CAMK1D: variants seen among roughly 807,000 people sequenced by gnomAD.
CAMK1D encodes calcium/calmodulin dependent protein kinase ID.
CAMK1D carries 9 observed loss-of-function variants against 47.7 expected under a neutral mutation model. The observed-to-expected ratio is 0.19, with a 90% CI of 0.11 to 0.33. The LOEUF is 0.33. CAMK1D is among the 10% of genes least tolerant of loss of function. CAMK1D has a pLI of 1.00. For missense variants in CAMK1D, 291 were observed against 488.7 expected (o/e 0.60, Z 3.81); for synonymous variants, 184 against 184.9 (o/e 0.99, Z 0.04).
intron 5 of CAMK1D, among the ~76,000 whole-genome samples, chr10:12,788,767 G>A (rs1443569240): frequency 2.0e-5 from 3 of 152,224 alleles, no homozygotes; most frequent in Non-Finnish European, 4.4e-5. Flanking sequence ...CGGGGCGGAC[G>A]AGTCAGCTAT....
intron 8 of CAMK1D, among the ~76,000 whole-genome samples, chr10:12,820,985 C>T (rs1191934393): frequency 6.6e-6 from 1 of 152,222 alleles, no homozygotes; most frequent in African/African-American, 2.4e-5. Flanking sequence ...GATAAGCAAA[C>T]TGAAGTGATA....
At chr10:12,354,207 A>G (rs1837432151) in intron 1 of CAMK1D, among the ~76,000 whole-genome samples, 1 of 152,070 alleles carries the variant, frequency 6.6e-6, no homozygotes, top group Non-Finnish European at 1.5e-5. Flanking sequence ...TAGACTGAGC[A>G]TTTGAAGTTG....
chr10:12,432,530 A>T (rs1490605321), intron 1 of CAMK1D, among the ~76,000 whole-genome samples: 1 of 152,252 alleles, frequency 6.6e-6, no homozygotes, highest in Non-Finnish European at 1.5e-5. Context: ...CAAGTGAACA[A>T]ATGAATGAGT....
At chr10:12,825,843 A>G (rs1485274805) in intron 10 of CAMK1D, 153 bp downstream of exon 10, 2 of 1,304,374 alleles carry the variant, frequency 1.5e-6, no homozygotes, top group Non-Finnish European at 2.1e-6. Context: ...TTTTTTTAAC[A>G]TGTAATCACT....
intron 1 of CAMK1D, among the ~76,000 whole-genome samples, chr10:12,361,665 C>T (rs1051006394): frequency 2.0e-5 from 3 of 150,110 alleles, no homozygotes; most frequent in Admixed American, 6.7e-5. Context: ...AAGTGATTCT[C>T]CTGCCTCAGC....
intron 2 of CAMK1D, among the ~76,000 whole-genome samples, chr10:12,608,574 T>C (rs1348977097): frequency 6.6e-6 from 1 of 152,214 alleles, no homozygotes; most frequent in Non-Finnish European, 1.5e-5. Context: ...GGCTGTGTTC[T>C]ACAACAAATG....
intron 2 of CAMK1D, among the ~76,000 whole-genome samples, chr10:12,662,651 C>CAAAAAAAAAAAAAAAAAAAAAAAAAAA (rs56807588): frequency 4.3e-5 from 6 of 140,434 alleles, no homozygotes; most frequent in African/African-American, 1.3e-4. Flanking sequence ...CACTCTGCCT[C>CAAAAAAAAAAAAAAAAAAAAAAAAAAA]AAAAAAAAAA....
intron 6 of CAMK1D, among the ~76,000 whole-genome samples, chr10:12,808,224 C>T (rs761553727): frequency 4.6e-5 from 7 of 152,230 alleles, no homozygotes; most frequent in African/African-American, 1.7e-4. Flanking sequence ...CTTGTATACC[C>T]GGAATAGCCT....
chr10:12,483,733 C>G (rs1259889923), intron 1 of CAMK1D, among the ~76,000 whole-genome samples: 1 of 152,058 alleles, frequency 6.6e-6, no homozygotes, highest in Non-Finnish European at 1.5e-5. Context: ...GTTGCCCAGG[C>G]TGGAGTGCAG....
At chr10:12,458,983 A>C (rs996962919) in intron 1 of CAMK1D, among the ~76,000 whole-genome samples, 3 of 148,796 alleles carry the variant, frequency 2.0e-5, no homozygotes, top group Non-Finnish European at 4.4e-5. Context: ...GGTTCAAGTG[A>C]TTCTCCTGCT....
chr10:12,556,256 A>G (rs2768343), intron 2 of CAMK1D, among the ~76,000 whole-genome samples: 117,143 of 152,100 alleles, frequency 0.77, 45,771 homozygotes, highest in East Asian at 0.87. Context: ...GAAACCACTC[A>G]GAATGTTGTC....
intron 1 of CAMK1D, among the ~76,000 whole-genome samples, chr10:12,510,699 A>G (rs987587329): frequency 6.6e-6 from 1 of 152,220 alleles, no homozygotes; most frequent in African/African-American, 2.4e-5. Context: ...AGGAGATTTC[A>G]TTCTGGCCAC....
intron 1 of CAMK1D, among the ~76,000 whole-genome samples, chr10:12,473,380 G>A (rs918078301): frequency 2.0e-5 from 3 of 152,126 alleles, no homozygotes; most frequent in Non-Finnish European, 2.9e-5. Flanking sequence ...GTTGCAGTGA[G>A]CTGAGATCAC....
intron 2 of CAMK1D, among the ~76,000 whole-genome samples, chr10:12,567,347 C>T (rs12242593): frequency 0.12 from 17,937 of 152,128 alleles, 1,763 homozygotes; most frequent in African/African-American, 0.27. Flanking sequence ...AGCTTTCCCA[C>T]GTACCATGAT....
chr10:12,758,800 G>A (rs890080691), intron 3 of CAMK1D, among the ~76,000 whole-genome samples: 1 of 152,162 alleles, frequency 6.6e-6, no homozygotes, highest in Non-Finnish European at 1.5e-5. Context: ...CAGTGGAAGG[G>A]GTAAGCGTTC....
chr10:12,391,193 C>T (rs1039326443), intron 1 of CAMK1D, among the ~76,000 whole-genome samples: 4 of 152,146 alleles, frequency 2.6e-5, no homozygotes, highest in African/African-American at 9.7e-5. Context: ...TTGTTATTCT[C>T]AATACAAAAT....
chr10:12,784,006 C>T (rs1278244895), intron 5 of CAMK1D, among the ~76,000 whole-genome samples: 2 of 152,096 alleles, frequency 1.3e-5, no homozygotes, highest in African/African-American at 4.8e-5. Flanking sequence ...TTACATGGAG[C>T]TTAACTTTTA....
intron 2 of CAMK1D, among the ~76,000 whole-genome samples, chr10:12,617,106 T>C (rs532080262): frequency 3.3e-5 from 5 of 152,278 alleles, no homozygotes; most frequent in African/African-American, 7.2e-5. Flanking sequence ...AGATTTTTTT[T>C]CCTCAAGGAT....
At chr10:12,681,638 A>C (rs1414868436) in intron 3 of CAMK1D, among the ~76,000 whole-genome samples, 1 of 152,226 alleles carries the variant, frequency 6.6e-6, no homozygotes, top group African/African-American at 2.4e-5. Context: ...AATATTTATT[A>C]TGCATTCTAA....
Sources: gnomAD v4.1 joint callset for allele counts (sites outside exome capture counted in the v4.1 genomes callset) on GRCh38, gnomAD v4.1.1 for gene constraint, MANE v1.5 for transcripts, NCBI Gene and HGNC (gene_info 2026-07-23, HGNC 2026-07-21) for gene names.